Variants in PYGL observed in about 807,000 individuals in gnomAD.
PYGL encodes glycogen phosphorylase L.
Under a neutral mutation model 100.1 loss-of-function variants are expected in PYGL, and 90 were observed. The ratio of observed to expected loss-of-function variants is 0.90; its 90% CI spans 0.76 to 1.07. PYGL has a LOEUF of 1.07. Among genes scored for constraint, PYGL ranks in the 50% least tolerant of loss-of-function variants. PYGL has a pLI of 0.00. For missense variants in PYGL, 1,016 were observed against 1,057.6 expected (o/e 0.96, Z 0.55); for synonymous variants, 373 against 393.0 (o/e 0.95, Z 0.60).
chr14:50,911,210 T>C (rs2050393439), intron 16 of PYGL, among the ~76,000 whole-genome samples: 1 of 152,258 alleles, frequency 6.6e-6, no homozygotes, highest in African/African-American at 2.4e-5. Context: ...CCCATCTGGC[T>C]GTCCCCATGT....
At chr14:50,919,805 T>G (rs2050484353) in intron 7 of PYGL, among the ~76,000 whole-genome samples, 1 of 151,972 alleles carries the variant, frequency 6.6e-6, no homozygotes, top group South Asian at 2.1e-4. Flanking sequence ...CCTCAGCCTC[T>G]CCAGTAGCTG....
rs1244824048 is a variant in PYGL at position 50,916,713 on chromosome 14, T to G, written c.1021A>C (p.Thr341Pro). The G allele has an allele frequency of 6.2e-7, 1 of 1,613,978 alleles. No individual in the cohort carries two copies. Among genetic ancestry groups the G allele is most frequent in the South Asian group, 1.1e-5 (1 of 91,076 alleles). The change falls in exon 9 of 20, where the codon ACT becomes CCT. Residue 341 changes from threonine (T) to proline (P), a missense_variant. By Grantham distance (38) the Thr-to-Pro change is conservative. Transcript: ENST00000216392. The stretch of plus-strand genomic sequence containing the variant: ...TCAGGGATCGCGAGTGCAGGGTGAG[T>G]GTCATTCAGCTGGATGGCCACCTGG... ...PDQVAIQLND[T>P]HPALAIPELM...
intron 3 of PYGL, among the ~76,000 whole-genome samples, chr14:50,932,522 C>T (rs1209566772): frequency 1.3e-5 from 2 of 152,168 alleles, no homozygotes; most frequent in Admixed American, 6.5e-5. Context: ...GACAAAAGGA[C>T]CAGAGACCTG....
intron 4 of PYGL, among the ~76,000 whole-genome samples, chr14:50,926,897 G>A (rs2050553559): frequency 6.6e-6 from 1 of 151,988 alleles, no homozygotes; most frequent in South Asian, 2.1e-4. Context: ...TTAAAATACT[G>A]AGCAATGTGA....
Position 50,911,973 on chromosome 14 carries a change from C to T in PYGL, c.1827+5G>A, listed in dbSNP as rs2050403349. On this transcript the variant is annotated splice_donor_5th_base_variant and intron_variant, in intron 15 of 19. Coordinates refer to ENST00000216392, the MANE Select transcript of PYGL (RefSeq NM_002863.5). ...TCAAGTCCCCATTGAATAGATTCAA[C>T]TTACTTTACCACCAATGATAACTGT... 5 of 1,613,638 alleles carry T rather than the reference C, an allele frequency of 3.1e-6. No homozygotes were observed. The highest frequency in any genetic ancestry group is 4.2e-6 in the Non-Finnish European group (5 of 1,179,518).
chr14:50,915,831 A>G lies in PYGL; in HGVS notation c.1233T>C (p.His411=). The change falls in exon 10 of 20, where the codon CAT becomes CAC. Residue 411 remains histidine (H), a synonymous_variant. Transcript: ENST00000216392. ...LEIIYEINQK[H]LDRIVALFPK... Reference sequence around the variant, plus strand: ...ATCTCTCAAAATGACTTACATCTAAATGCTTCTGATTTATCTCATAAATGA... The same window carrying G: ...ATCTCTCAAAATGACTTACATCTAAGTGCTTCTGATTTATCTCATAAATGA... 1.2e-6 allele frequency: 2 copies of G among 1,614,008 alleles called. No individual in the cohort carries two copies. The highest frequency in any genetic ancestry group is 1.3e-5 in the African/African-American group (1 of 75,076).
At chr14:50,908,558 C>G (rs764586526) in intron 18 of PYGL, among the ~76,000 whole-genome samples, 23 of 152,172 alleles carry the variant, frequency 1.5e-4, no homozygotes, top group Non-Finnish European at 2.1e-4. Flanking sequence ...TTGGGAATAT[C>G]AGTGGAAGGA....
chr14:50,936,076 T>C (rs1043013126), intron 2 of PYGL, among the ~76,000 whole-genome samples: 14 of 152,282 alleles, frequency 9.2e-5, no homozygotes, highest in East Asian at 1.9e-4. Context: ...GGAGATCACA[T>C]TGGATTGCTC....
At position 50,924,013 on chromosome 14, in the gene PYGL, T is replaced by C; in HGVS notation, c.616A>G (p.Lys206Glu). 6.2e-7 allele frequency: 1 copy of C among 1,613,994 alleles called. No individual in the cohort carries two copies. The highest frequency in any genetic ancestry group is 1.1e-5 in the South Asian group (1 of 91,080). The change falls in exon 5 of 20, where the codon AAA becomes GAA. Residue 206 changes from lysine (K) to glutamate (E), a missense_variant. Physicochemically the swap from Lys to Glu is moderately conservative, Grantham distance 56. Coordinates refer to ENST00000216392, the MANE Select transcript of PYGL (RefSeq NM_002863.5). ...EFMLPVHFYGKVEHTNTGTKW... is the reference protein window; with the variant it reads ...EFMLPVHFYGEVEHTNTGTKW... ...GTCCCGGTGTTGGTGTGTTCTACTT[T>C]TCCATAGAAGTGCACAGGCAGCATG... is the stretch of plus-strand genomic sequence containing the variant.
intron 2 of PYGL, among the ~76,000 whole-genome samples, chr14:50,936,790 C>CA (rs71121613): frequency 1.5e-3 from 198 of 132,564 alleles, no homozygotes; most frequent in Admixed American, 2.7e-3. Context: ...GACTCCGTCT[C>CA]AAAAAAAAAA....
At chr14:50,912,964 CAAAA>C (rs1041540548) in intron 13 of PYGL, 61 bp downstream of exon 13, 2 of 1,497,292 alleles carry the variant, frequency 1.3e-6, no homozygotes, top group African/African-American at 2.8e-5. Context: ...AAAAAATAAA[CAAAA>C]ACTACAGGAT....
chr14:50,909,787 T>C (rs566705996), intron 17 of PYGL, 108 bp downstream of exon 17: 27 of 1,268,564 alleles, frequency 2.1e-5, no homozygotes, highest in Middle Eastern at 2.6e-4. Flanking sequence ...ACCTCTTATG[T>C]GATCCAATTT....
intron 17 of PYGL, among the ~76,000 whole-genome samples, chr14:50,909,467 G>A (rs1213922567): frequency 6.6e-6 from 1 of 152,138 alleles, no homozygotes; most frequent in East Asian, 1.9e-4. Flanking sequence ...GAAAATAAAT[G>A]TTTCCAATTA....
At position 50,935,102 on chromosome 14, in the gene PYGL, C is replaced by T; in HGVS notation, c.424+5G>A. ...ACAATATAATACACTCACAATGTCA[C>T]TTACCAGCAAGTCTCCCAAGACCAC... is the stretch of plus-strand genomic sequence containing the variant. On this transcript the variant is annotated splice_donor_5th_base_variant and intron_variant, in intron 3 of 19. Transcript: ENST00000216392. 1.2e-6 allele frequency: 2 copies of T among 1,603,054 alleles called. No individual in the cohort carries two copies. The highest frequency in any genetic ancestry group is 2.2e-5 in the South Asian group (2 of 90,830).
In PYGL at chr14:50,941,681, C is replaced by T. The variant is rs561454267; in HGVS notation, c.243+2480G>A. 2.0e-5 allele frequency among the ~76,000 whole-genome samples: 3 copies of T among 152,246 alleles called. No homozygotes were observed. In the East Asian group the frequency reaches 5.8e-4, roughly 29 times the overall value. On this transcript the variant is annotated intron_variant, in intron 1 of 19. Coordinates refer to ENST00000216392, the MANE Select transcript of PYGL (RefSeq NM_002863.5). Reference sequence around the variant, plus strand: ...GGATCACCAGGTCAGGAGTTCGAGACCAGCCTGTCCAAATGGTGGAATCCT... The same window carrying T: ...GGATCACCAGGTCAGGAGTTCGAGATCAGCCTGTCCAAATGGTGGAATCCT...
At chr14:50,905,691 T>C in intron 19 of PYGL, 135 bp from the exon 20 acceptor site, 1 of 881,014 alleles carries the variant, frequency 1.1e-6, no homozygotes, top group Non-Finnish European at 1.8e-6. Flanking sequence ...TTACAAATAT[T>C]CTTGTTTGTC....
chr14:50,942,270 A>G (rs2050708115), intron 1 of PYGL, among the ~76,000 whole-genome samples: 1 of 98,724 alleles, frequency 1.0e-5, no homozygotes, highest in Non-Finnish European at 2.4e-5. Flanking sequence ...TTATATCTGC[A>G]CTCACGTAGA....
chr14:50,937,216 T>C (rs1247278583), intron 2 of PYGL, among the ~76,000 whole-genome samples: 1 of 152,204 alleles, frequency 6.6e-6, no homozygotes, highest in East Asian at 1.9e-4. Flanking sequence ...TGAAAACAAC[T>C]TAGCACATTA....
intron 7 of PYGL, among the ~76,000 whole-genome samples, chr14:50,918,317 C>T (rs2050472128): frequency 6.6e-6 from 1 of 152,180 alleles, no homozygotes; most frequent in African/African-American, 2.4e-5. Flanking sequence ...TTTGATCCAG[C>T]AATCCCACTA....
Sources: gnomAD v4.1 joint callset for allele counts (sites outside exome capture counted in the v4.1 genomes callset) on GRCh38, gnomAD v4.1.1 for gene constraint, MANE v1.5 for transcripts, NCBI Gene and HGNC (gene_info 2026-07-23, HGNC 2026-07-21) for gene names.